Variants in ZYG11B observed in about 807,000 individuals in gnomAD.
ZYG11B encodes the protein zyg-11 family member B, cell cycle regulator, also known as protein zyg-11 homolog B.
In ZYG11B, 36 loss-of-function variants were observed where a neutral mutation model predicts 82.4. The observed-to-expected ratio is 0.44, with a 90% CI of 0.33 to 0.58. The LOEUF (loss-of-function observed/expected upper bound fraction) is 0.58. Ranked by LOEUF, ZYG11B falls within the 20% of genes least tolerant of loss-of-function variation. The pLI, the probability that ZYG11B is intolerant of heterozygous loss-of-function variation, is 0.02. For synonymous variants in ZYG11B, 303 were observed against 312.8 expected (o/e 0.97, Z 0.33); for missense variants, 552 against 895.6 (o/e 0.62, Z 4.90).
At chr1:52,772,419 GACTT>G (rs1306038777) in intron 3 of ZYG11B, 2 of 1,558,878 alleles carry the variant, frequency 1.3e-6, no homozygotes, top group Non-Finnish European at 1.8e-6. Context: ...AAGTCCCTTA[GACTT>G]AAGAATTCTT....
chr1:52,748,084 ATAAACTTTGGCCT>A (rs1392313395), intron 1 of ZYG11B, among the ~76,000 whole-genome samples: 2 of 152,228 alleles, frequency 1.3e-5, no homozygotes, highest in African/African-American at 4.8e-5. Flanking sequence ...ACTTAAAAAT[ATAAACTTTGGCCT>A]CATTCTTGTG....
rs1037215663 is a variant in ZYG11B, at chr1:52,823,638, A to T, written c.*2009A>T. Reference sequence around the variant, plus strand: ...TTGACCGTTTCCAGGTCTTTTATCTAGTGTAGTTAAGGGAAAGCCTATTTA... The same window carrying T: ...TTGACCGTTTCCAGGTCTTTTATCTTGTGTAGTTAAGGGAAAGCCTATTTA... On this transcript the variant is annotated 3_prime_UTR_variant, in exon 14 of 14. Transcript: ENST00000294353. The T allele has an allele frequency of 1.3e-5, 2 of 151,004 alleles. No homozygotes were observed. The highest frequency in any genetic ancestry group is 4.9e-5 in the African/African-American group (2 of 40,980). The allele number at this position is 151,004 out of a possible 1,614,324, so 9.4% of individuals were successfully genotyped here.
chr1:52,779,724 A>C, intron 3 of ZYG11B, 129 bp from the exon 4 acceptor site: 1 of 1,114,680 alleles, frequency 9.0e-7, no homozygotes, highest in East Asian at 2.5e-5. Context: ...TCCTGACTTC[A>C]CATGATCCAC....
In ZYG11B at chr1:52,803,283, T is replaced by C. The variant is rs1025301278; in HGVS notation, c.1695+1144T>C. 3.2e-5 allele frequency among the ~76,000 whole-genome samples: 4 copies of C among 125,334 alleles called. 1 individual carries two copies. The highest frequency in any genetic ancestry group is 5.1e-5 in the Non-Finnish European group (3 of 58,740). 82.2% of individuals were successfully genotyped at this position (125,334 alleles called of 152,430 possible). Reference sequence around the variant, plus strand: ...ATATATATACACACACACACACATATATATATATATATATACACATATATA... The same window carrying C: ...ATATATATACACACACACACACATACATATATATATATATACACATATATA... On this transcript the variant is annotated intron_variant, in intron 10 of 13. Coordinates refer to ENST00000294353, the MANE Select transcript of ZYG11B (RefSeq NM_024646.3).
rs374217786 is a variant in ZYG11B at position 52,727,785 on chromosome 1, T to G, written c.30+1102T>G. Among the ~76,000 whole-genome samples the G allele has an allele frequency of 2.0e-4, 30 of 152,274 alleles. No individual in the cohort carries two copies. The East Asian group carries it at 5.6e-3, about 28-fold the overall frequency. On this transcript the variant is annotated intron_variant, in intron 1 of 13. Transcript: ENST00000294353. The stretch of plus-strand genomic sequence containing the variant: ...AATAGGTTGAGGCTTCAGTTGGTTT[T>G]TTCATTGAGTTGGGTTATAAGTGGT...
At chr1:52,750,600 A>G (rs984547498) in intron 1 of ZYG11B, among the ~76,000 whole-genome samples, 3 of 152,168 alleles carry the variant, frequency 2.0e-5, no homozygotes, top group Admixed American at 1.3e-4. Flanking sequence ...TAGCAGCTTT[A>G]TTGAGATATA....
At chr1:52,768,981 GA>G (rs1290677640) in intron 2 of ZYG11B, among the ~76,000 whole-genome samples, 1 of 152,062 alleles carries the variant, frequency 6.6e-6, no homozygotes, top group African/African-American at 2.4e-5. Context: ...ATCTTTTCCA[GA>G]TCTTCATTCA....
At position 52,753,509 on chromosome 1, in the gene ZYG11B, T is replaced by G. The variant is rs558563320; in HGVS notation, c.31-2949T>G. Among the ~76,000 whole-genome samples the G allele has an allele frequency of 6.6e-5, 10 of 150,428 alleles. No individual in the cohort carries two copies. The South Asian group carries it at 1.3e-3, about 20-fold the overall frequency. On this transcript the variant is annotated intron_variant, in intron 1 of 13. Coordinates refer to ENST00000294353, the MANE Select transcript of ZYG11B (RefSeq NM_024646.3). ...ATCTTGGCTTATTGCAATCTCCACCTCCCAGGTTCAAGCAATTCTCCTGCC... is the reference window on the plus strand; with the variant it reads ...ATCTTGGCTTATTGCAATCTCCACCGCCCAGGTTCAAGCAATTCTCCTGCC...
In ZYG11B at chr1:52,801,805, T is replaced by C. The variant is rs72895408; in HGVS notation, c.1486-14T>C. The C allele has an allele frequency of 6.4e-7, 1 of 1,564,912 alleles. No individual in the cohort carries two copies. The highest frequency in any genetic ancestry group is 2.0e-5 in the Admixed American group (1 of 49,256). ...TCAAAAGTGAAAACTTATTTCTGTT[T>C]TTTTTTTTTTCAGCAACTTCTTCAA... On this transcript the variant is annotated splice_polypyrimidine_tract_variant and intron_variant, in intron 8 of 13. Transcript: ENST00000294353.
chr1:52,815,197 A>G (rs184730178), intron 12 of ZYG11B, among the ~76,000 whole-genome samples: 1 of 152,046 alleles, frequency 6.6e-6, no homozygotes, highest in Non-Finnish European at 1.5e-5. Flanking sequence ...ACAGTTTGTA[A>G]TAATTTATTA....
At chr1:52,744,910 TAA>T (rs1459820048) in intron 1 of ZYG11B, among the ~76,000 whole-genome samples, 1 of 152,250 alleles carries the variant, frequency 6.6e-6, no homozygotes, top group Non-Finnish European at 1.5e-5. Context: ...ATGAAAATTT[TAA>T]TACTTTTTCT....
chr1:52,787,477 A>G (rs950555712), intron 5 of ZYG11B, among the ~76,000 whole-genome samples: 3 of 152,218 alleles, frequency 2.0e-5, no homozygotes, highest in Admixed American at 6.5e-5. Context: ...GGGGCTTGCT[A>G]ATAGTACTAT....
chr1:52,789,976 G>T, intron 5 of ZYG11B, 27 bp from the exon 6 acceptor site: 2 of 1,512,092 alleles, frequency 1.3e-6, no homozygotes, highest in Non-Finnish European at 9.0e-7. Flanking sequence ...TTTTATTTAG[G>T]ATTTTTTTCT....
chr1:52,791,120 T>A (rs1336354970), intron 6 of ZYG11B, among the ~76,000 whole-genome samples: 1 of 151,790 alleles, frequency 6.6e-6, no homozygotes, highest in East Asian at 1.9e-4. Context: ...TACAGGCATG[T>A]GCCACCACGC....
intron 10 of ZYG11B, among the ~76,000 whole-genome samples, chr1:52,803,219 T>TAC (rs1558140483): frequency 1.1e-4 from 9 of 85,174 alleles, no homozygotes; most frequent in Non-Finnish European, 1.5e-4. Context: ...CACATATATA[T>TAC]ATATACACAC....
At chr1:52,800,376 GTTTA>G (rs1344370031) in intron 8 of ZYG11B, among the ~76,000 whole-genome samples, 1 of 151,738 alleles carries the variant, frequency 6.6e-6, no homozygotes, top group Non-Finnish European at 1.5e-5. Flanking sequence ...TGCTTATTTT[GTTTA>G]TTTTACTGTT....
intron 10 of ZYG11B, among the ~76,000 whole-genome samples, chr1:52,803,105 T>TATATATATACACACAC (rs1558140022): frequency 1.1e-5 from 1 of 90,112 alleles, no homozygotes; most frequent in Non-Finnish European, 1.8e-5. Context: ...TATACATATA[T>TATATATATACACACAC]ATATATATAT....
intron 1 of ZYG11B, 67 bp downstream of exon 1, chr1:52,726,750 C>T (rs1166865662): frequency 1.4e-6 from 2 of 1,404,680 alleles, no homozygotes; most frequent in African/African-American, 1.5e-5. Flanking sequence ...TCGCGCTGGC[C>T]CCTGCGGTCT....
At chr1:52,803,093 TATATAC>T (rs1261614285) in intron 10 of ZYG11B, among the ~76,000 whole-genome samples, 6,265 of 20,800 alleles carry the variant, frequency 0.3, 825 homozygotes, top group East Asian at 0.52. Flanking sequence ...TACACATATA[TATATAC>T]ATATATATAT....
Sources: allele counts gnomAD v4.1 joint callset (sites outside exome capture counted in the v4.1 genomes callset), GRCh38; gene constraint gnomAD v4.1.1; transcripts MANE v1.5; gene names NCBI Gene and HGNC (gene_info 2026-07-23, HGNC 2026-07-21).